Variants in DGKD observed in about 807,000 individuals in gnomAD.
The protein encoded by DGKD is DAG kinase delta.
In DGKD, 68 loss-of-function variants were observed where a neutral mutation model predicts 154.4. That is an observed-to-expected ratio of 0.44 (90% CI 0.36 to 0.54). DGKD has a LOEUF of 0.54. Ranked by LOEUF, DGKD falls within the 20% of genes least tolerant of loss-of-function variation. The pLI is 0.00. For synonymous variants in DGKD, 693 were observed against 638.0 expected, an observed-to-expected ratio of 1.09 and a Z score of -1.30; for missense variants, 1,343 against 1,593.6, an observed-to-expected ratio of 0.84 and a Z score of 2.68.
At chr2:233,364,762 C>G (rs1701944365) in intron 1 of DGKD, among the ~76,000 whole-genome samples, 1 of 152,116 alleles carries the variant, frequency 6.6e-6, no homozygotes, top group Non-Finnish European at 1.5e-5. Context: ...AGACTGAAAT[C>G]CCAGTATGTC....
intron 3 of DGKD, among the ~76,000 whole-genome samples, chr2:233,396,642 G>C (rs1029848527): frequency 6.6e-6 from 1 of 152,174 alleles, no homozygotes; most frequent in African/African-American, 2.4e-5. Flanking sequence ...GAGGAAGTGA[G>C]GTCTCATAGC....
At chr2:233,379,993 A>T (rs1416530900) in intron 1 of DGKD, 1 of 152,166 alleles carries the variant, frequency 6.6e-6, no homozygotes, top group Non-Finnish European at 1.5e-5. Context: ...AGGGGTTCTG[A>T]TGTGGTGGTC....
intron 3 of DGKD, among the ~76,000 whole-genome samples, chr2:233,432,961 G>A (rs11888993): frequency 0.12 from 18,440 of 152,232 alleles, 1,340 homozygotes; most frequent in African/African-American, 0.22. Context: ...TGGCGAGGAT[G>A]TGGAGAAAAG....
intron 3 of DGKD, among the ~76,000 whole-genome samples, chr2:233,400,748 A>G (rs944627520): frequency 1.3e-5 from 2 of 152,166 alleles, no homozygotes; most frequent in Admixed American, 6.5e-5. Context: ...CTGGAGGGCA[A>G]GGCCTGAGCT....
At chr2:233,426,361 G>A (rs974206631) in intron 3 of DGKD, among the ~76,000 whole-genome samples, 6 of 152,018 alleles carry the variant, frequency 3.9e-5, no homozygotes, top group African/African-American at 1.4e-4. Flanking sequence ...TTTGACTGAG[G>A]TGCAGCATTC....
At chr2:233,448,858 C>T (rs2063172116) in intron 14 of DGKD, among the ~76,000 whole-genome samples, 1 of 152,214 alleles carries the variant, frequency 6.6e-6, no homozygotes, top group African/African-American at 2.4e-5. Flanking sequence ...GACTAAGACT[C>T]AGCTCGCAAT....
intron 1 of DGKD, among the ~76,000 whole-genome samples, chr2:233,384,049 TAAC>T (rs144697446): frequency 0.021 from 3,144 of 152,194 alleles, 108 homozygotes; most frequent in African/African-American, 0.071. Flanking sequence ...CAAGGTCACA[TAAC>T]AGTATGTACA....
chr2:233,432,814 T>G (rs1261662091), intron 3 of DGKD, among the ~76,000 whole-genome samples: 1 of 152,166 alleles, frequency 6.6e-6, no homozygotes, highest in Non-Finnish European at 1.5e-5. Flanking sequence ...AAAGAAGACA[T>G]ACATATGGCA....
intron 3 of DGKD, among the ~76,000 whole-genome samples, chr2:233,425,533 C>G (rs1403708779): frequency 6.6e-6 from 1 of 152,170 alleles, no homozygotes; most frequent in Non-Finnish European, 1.5e-5. Context: ...GCAACACATG[C>G]AAGTGGTACA....
At chr2:233,382,948 C>T (rs982636526) in intron 1 of DGKD, among the ~76,000 whole-genome samples, 2 of 152,108 alleles carry the variant, frequency 1.3e-5, no homozygotes, top group African/African-American at 4.8e-5. Flanking sequence ...ACTTACTCTT[C>T]TGGTAAATGC....
intron 3 of DGKD, among the ~76,000 whole-genome samples, chr2:233,405,696 A>C (rs996152261): frequency 6.6e-6 from 1 of 152,114 alleles, no homozygotes; most frequent in South Asian, 2.1e-4. Context: ...CAGATGCCGC[A>C]CCATGCTCTT....
intron 1 of DGKD, among the ~76,000 whole-genome samples, chr2:233,359,560 G>C (rs1701684506): frequency 1.3e-5 from 2 of 149,942 alleles, no homozygotes; most frequent in South Asian, 4.2e-4. Context: ...AGCTCAGGCT[G>C]GTCTGAGTCT....
intron 3 of DGKD, among the ~76,000 whole-genome samples, chr2:233,416,088 G>C (rs1441220092): frequency 6.6e-6 from 1 of 152,188 alleles, no homozygotes; most frequent in Non-Finnish European, 1.5e-5. Flanking sequence ...ACAATACGAT[G>C]ACATCAGTAT....
At chr2:233,429,490 C>T (rs1418262501) in intron 3 of DGKD, among the ~76,000 whole-genome samples, 2 of 152,174 alleles carry the variant, frequency 1.3e-5, no homozygotes, top group South Asian at 4.1e-4. Flanking sequence ...AGTGGCTGTC[C>T]AGAGACTCCC....
intron 3 of DGKD, chr2:233,419,117 A>G: frequency 1.8e-6 from 1 of 563,752 alleles, no homozygotes; most frequent in Non-Finnish European, 2.2e-6. Context: ...AGGAAGTGAC[A>G]GAAATGACCC....
intron 10 of DGKD, among the ~76,000 whole-genome samples, chr2:233,442,900 G>A (rs1250751560): frequency 1.3e-5 from 2 of 152,124 alleles, no homozygotes; most frequent in Admixed American, 6.5e-5. Flanking sequence ...CACCGCGCCC[G>A]GCCTGTTACT....
intron 3 of DGKD, among the ~76,000 whole-genome samples, chr2:233,395,486 A>AAGTCTCT: frequency 6.6e-6 from 1 of 150,434 alleles, no homozygotes; most frequent in Non-Finnish European, 1.5e-5. Flanking sequence ...TCTTATTTTA[A>AAGTCTCT]TGGTCTCTTG....
intron 3 of DGKD, among the ~76,000 whole-genome samples, chr2:233,424,743 C>T (rs1036079555): frequency 1.3e-4 from 20 of 152,168 alleles, no homozygotes; most frequent in Non-Finnish European, 2.4e-4. Flanking sequence ...GCCCCTCAGC[C>T]GGGTTCGTCA....
intron 1 of DGKD, among the ~76,000 whole-genome samples, chr2:233,370,141 C>T (rs1410081232): frequency 6.6e-6 from 1 of 152,054 alleles, no homozygotes; most frequent in African/African-American, 2.4e-5. Context: ...CTCATTTCCC[C>T]CTCCTCCCAG....
Sources: allele counts gnomAD v4.1 joint callset (sites outside exome capture counted in the v4.1 genomes callset), GRCh38; gene constraint gnomAD v4.1.1; transcripts MANE v1.5; gene names NCBI Gene and HGNC (gene_info 2026-07-23, HGNC 2026-07-21).